The following AOPEP variants were observed in gnomAD, a reference collection of about 807,000 sequenced individuals.
AOPEP encodes aminopeptidase O (putative).
Under a neutral mutation model 98.1 loss-of-function variants are expected in AOPEP, and 77 were observed. The ratio of observed to expected loss-of-function variants is 0.78; its 90% CI spans 0.65 to 0.95. The LOEUF is 0.95. AOPEP is among the 40% of genes least tolerant of loss of function. The pLI, the probability that AOPEP is intolerant of heterozygous loss-of-function variation, is 0.00. For synonymous variants in AOPEP, 346 were observed against 365.3 expected, an observed-to-expected ratio of 0.95 and a Z score of 0.60; for missense variants, 1,024 against 1,024.7, an observed-to-expected ratio of 1.00 and a Z score of 0.01.
chr9:94,852,038 A>G (rs1387145131), intron 5 of AOPEP, among the ~76,000 whole-genome samples: 2 of 152,068 alleles, frequency 1.3e-5, no homozygotes, highest in African/African-American at 4.8e-5. Context: ...AGAATCCAAC[A>G]AGAAGCTTGT....
At chr9:94,904,069 T>C (rs2050801907) in intron 5 of AOPEP, 1 of 152,136 alleles carries the variant, frequency 6.6e-6, no homozygotes, top group Non-Finnish European at 1.5e-5. Context: ...TACTCAATTT[T>C]GCCTTCCTTT....
Position 94,955,258 on chromosome 9 carries a change from C to T in AOPEP, c.1743C>T (p.Phe581=). ...ATGGACTTAATCCGGAGAAGATCTT[C>T]ATGCAGGTGCATTATTTAAAGGTAA... is the stretch of plus-strand genomic sequence containing the variant. ...IKHGLNPEKI[F]MQVHYLKGYF... The change falls in exon 8 of 17, where the codon TTC becomes TTT. Residue 581 remains phenylalanine (F), a synonymous_variant. Coordinates refer to ENST00000375315, the MANE Select transcript of AOPEP (RefSeq NM_001193329.3). 1.9e-6 allele frequency: 3 copies of T among 1,612,200 alleles called. No individual in the cohort carries two copies. Among genetic ancestry groups the T allele is most frequent in the Non-Finnish European group, 2.5e-6 (3 of 1,178,822 alleles).
At chr9:95,088,775 G>A (rs1486276047), downstream of AOPEP, among the ~76,000 whole-genome samples, 2 of 152,210 alleles carry the variant, frequency 1.3e-5, no homozygotes, top group African/African-American at 2.4e-5. Flanking sequence ...GAATAGGTGG[G>A]GTTCTGCACA....
At chr9:94,796,269 C>T (rs1306318912) in intron 4 of AOPEP, among the ~76,000 whole-genome samples, 1 of 152,208 alleles carries the variant, frequency 6.6e-6, no homozygotes, top group Non-Finnish European at 1.5e-5. Context: ...CTGAGTTTTC[C>T]CTTCCTTTAT....
the AOPEP span, chr9:95,106,996 C>A: frequency 6.7e-7 from 1 of 1,485,976 alleles, no homozygotes. Context: ...GCCAGACCCT[C>A]GGACAGGTAA....
intron 5 of AOPEP, among the ~76,000 whole-genome samples, chr9:94,847,860 T>C (rs1301993673): frequency 2.6e-5 from 4 of 152,190 alleles, no homozygotes; most frequent in Non-Finnish European, 5.9e-5. Context: ...AGAAAATCAG[T>C]TGGTAGACCT....
chr9:94,957,917 C>CA (rs569225287), intron 9 of AOPEP, among the ~76,000 whole-genome samples: 7 of 151,870 alleles, frequency 4.6e-5, no homozygotes, highest in Non-Finnish European at 8.8e-5. Flanking sequence ...ATAAAATATA[C>CA]AAAAAAAATT....
the AOPEP span, chr9:95,110,959 T>A: frequency 7.2e-7 from 1 of 1,395,476 alleles, no homozygotes; most frequent in Non-Finnish European, 9.3e-7. Context: ...TAATATCATC[T>A]GATTACTTTA....
chr9:94,812,378 T>G lies in AOPEP; in HGVS notation c.1364+11376T>G, dbSNP rs376569784. On this transcript the variant is annotated intron_variant, in intron 5 of 16. Coordinates refer to ENST00000375315, the MANE Select transcript of AOPEP (RefSeq NM_001193329.3). Reference sequence around the variant, plus strand: ...AGAGGAAGACCAGTGCTTGCCAACCTGTCCTCCCCAGAATCCGGAAGTCTT... The same window carrying G: ...AGAGGAAGACCAGTGCTTGCCAACCGGTCCTCCCCAGAATCCGGAAGTCTT... 6.0e-4 allele frequency among the ~76,000 whole-genome samples: 92 copies of G among 152,258 alleles called. No individual in the cohort carries two copies. In the East Asian group the frequency reaches 0.013, roughly 21 times the overall value.
At chr9:95,141,982 G>A in the AOPEP span, among the ~76,000 whole-genome samples, 434 of 107,418 alleles carry the variant, frequency 4.0e-3, 5 homozygotes, top group Non-Finnish European at 6.1e-3. Flanking sequence ...AACAGTTTGT[G>A]GGGTTTTTTT....
At chr9:94,895,233 ATAAAAT>A (rs2049354742) in intron 5 of AOPEP, among the ~76,000 whole-genome samples, 9 of 26,756 alleles carry the variant, frequency 3.4e-4, no homozygotes, top group East Asian at 2.3e-3. Context: ...AAAAAATAAA[ATAAAAT>A]AAAAAAAAAA....
chr9:94,939,726 G>C (rs1037346298), intron 7 of AOPEP, among the ~76,000 whole-genome samples: 2 of 152,052 alleles, frequency 1.3e-5, no homozygotes, highest in African/African-American at 4.8e-5. Flanking sequence ...TTACCTTCAG[G>C]CTATGTGTAT....
intron 1 of AOPEP, among the ~76,000 whole-genome samples, chr9:94,734,904 A>G (rs780786254): frequency 1.3e-5 from 2 of 152,240 alleles, no homozygotes; most frequent in Admixed American, 6.5e-5. Context: ...TACCAGTAAC[A>G]TGCAACATTG....
At chr9:94,920,685 C>T (rs1393977366) in intron 5 of AOPEP, among the ~76,000 whole-genome samples, 3 of 152,206 alleles carry the variant, frequency 2.0e-5, no homozygotes, top group African/African-American at 7.2e-5. Flanking sequence ...GAAGGCACTC[C>T]TTCCTCCTCT....
At chr9:94,848,620 T>TCAAA (rs199659665) in intron 5 of AOPEP, among the ~76,000 whole-genome samples, 23 of 150,528 alleles carry the variant, frequency 1.5e-4, no homozygotes, top group Admixed American at 2.6e-4. Flanking sequence ...AGATTCCCAC[T>TCAAA]CAAACAAACA....
intron 9 of AOPEP, among the ~76,000 whole-genome samples, chr9:94,963,453 T>C (rs981713912): frequency 6.6e-6 from 1 of 152,160 alleles, no homozygotes; most frequent in Non-Finnish European, 1.5e-5. Context: ...CTGATTGGCA[T>C]ATAGATTATT....
chr9:94,930,355 C>T lies in AOPEP; in HGVS notation c.1661+1824C>T, dbSNP rs979112349. ...GATCCCATTTGTGTGATGGTAAAGA[C>T]ATGAGGAGGAGCTTGGAAGGAAAAT... On this transcript the variant is annotated intron_variant, in intron 7 of 16. Transcript: ENST00000375315. The surrounding 1 kb of genome is among the most constrained non-coding windows in gnomAD (Gnocchi z 4.5). Among the ~76,000 whole-genome samples, 3 of 152,166 alleles carry T rather than the reference C, an allele frequency of 2.0e-5. No homozygotes were observed. The highest frequency in any genetic ancestry group is 4.4e-5 in the Non-Finnish European group (3 of 68,026).
chr9:95,128,680 G>A, the AOPEP span, among the ~76,000 whole-genome samples: 1 of 152,146 alleles, frequency 6.6e-6, no homozygotes, highest in Non-Finnish European at 1.5e-5. Flanking sequence ...TAGCAAAATC[G>A]CTCAATCCAA....
the AOPEP span, among the ~76,000 whole-genome samples, chr9:95,121,508 C>T: frequency 6.6e-6 from 1 of 152,214 alleles, no homozygotes; most frequent in Non-Finnish European, 1.5e-5. Flanking sequence ...TCCAAATACA[C>T]TTCCACTCCT....
Sources: gnomAD v4.1 joint callset for allele counts (sites outside exome capture counted in the v4.1 genomes callset) on GRCh38, gnomAD v4.1.1 for gene constraint, Gnocchi (gnomAD v3.1) non-coding constraint, MANE v1.5 for transcripts, NCBI Gene and HGNC (gene_info 2026-07-23, HGNC 2026-07-21) for gene names.